The following PTPRK variants were observed in gnomAD, a reference collection of about 807,000 sequenced individuals.
The protein encoded by PTPRK is protein tyrosine phosphatase receptor type K.
Under a neutral mutation model 178.0 loss-of-function variants are expected in PTPRK, and 75 were observed. That is an observed-to-expected ratio of 0.42 (90% CI 0.35 to 0.51). The LOEUF (loss-of-function observed/expected upper bound fraction) is 0.51, where lower values mean the gene tolerates loss of function less well. PTPRK is among the 20% of genes least tolerant of loss of function. The pLI is 0.02. For synonymous variants in PTPRK, 637 were observed against 620.6 expected, an observed-to-expected ratio of 1.03 and a Z score of -0.39; for missense variants, 1,441 against 1,797.8, an observed-to-expected ratio of 0.80 and a Z score of 3.59.
chr6:128,177,202 T>A lies in PTPRK; in HGVS notation c.1162+7230A>T, dbSNP rs147200527. ...CCTTAGAGTTTGATGCCTAGATCTA[T>A]ATCTTTAAAATTCTATCTAGGTCAT... On this transcript the variant is annotated intron_variant, in intron 7 of 29. Transcript: ENST00000368226. 2.0e-3 allele frequency among the ~76,000 whole-genome samples: 298 copies of A among 151,906 alleles called. 2 individuals carry two copies. Among genetic ancestry groups the A allele is most frequent in the African/African-American group, 6.9e-3 (287 of 41,542 alleles).
At chr6:128,205,468 G>A (rs897978563) in intron 6 of PTPRK, among the ~76,000 whole-genome samples, 10 of 151,996 alleles carry the variant, frequency 6.6e-5, no homozygotes, top group African/African-American at 2.2e-4. Flanking sequence ...TTCAAGAAAA[G>A]GCCAGGCGTG....
At chr6:128,320,961 T>C (rs186511292) in intron 3 of PTPRK, 23 of 152,210 alleles carry the variant, frequency 1.5e-4, no homozygotes, top group Admixed American at 9.8e-4. Context: ...CATACAACCT[T>C]GAACTGAAAA....
At chr6:128,443,850 AT>A (rs201509494) in intron 1 of PTPRK, among the ~76,000 whole-genome samples, 7 of 151,488 alleles carry the variant, frequency 4.6e-5, no homozygotes, top group East Asian at 3.9e-4. Context: ...CCTAGACCAG[AT>A]TTTTTTTTCT....
At chr6:128,183,802 AT>A (rs57607335) in intron 7 of PTPRK, among the ~76,000 whole-genome samples, 145,413 of 152,100 alleles carry the variant, frequency 0.96, 69,556 homozygotes, top group East Asian at 1. Context: ...TTTAATTTTC[AT>A]TTTTTTTGTG....
intron 11 of PTPRK, among the ~76,000 whole-genome samples, chr6:128,068,765 A>G (rs974560771): frequency 6.6e-6 from 1 of 151,226 alleles, no homozygotes; most frequent in African/African-American, 2.4e-5. Context: ...AATATATTTT[A>G]AAATGTTTTA....
intron 1 of PTPRK, among the ~76,000 whole-genome samples, chr6:128,456,048 C>A (rs1333744668): frequency 6.6e-6 from 1 of 152,046 alleles, no homozygotes; most frequent in African/African-American, 2.4e-5. Flanking sequence ...AAGTCAGTCT[C>A]TTTTCAGCTT....
At chr6:128,378,174 A>G (rs2128353977) in intron 2 of PTPRK, among the ~76,000 whole-genome samples, 1 of 152,272 alleles carries the variant, frequency 6.6e-6, no homozygotes, top group African/African-American at 2.4e-5. Context: ...TTTATGAACT[A>G]GAAAACAAAT....
At chr6:128,490,971 T>C (rs1477845942) in intron 1 of PTPRK, among the ~76,000 whole-genome samples, 1 of 152,228 alleles carries the variant, frequency 6.6e-6, no homozygotes, top group Non-Finnish European at 1.5e-5. Flanking sequence ...TTAACCTTAA[T>C]GACCTCTTTA....
intron 3 of PTPRK, among the ~76,000 whole-genome samples, chr6:128,260,523 G>A (rs879372724): frequency 2.6e-5 from 4 of 152,186 alleles, no homozygotes; most frequent in African/African-American, 9.6e-5. Context: ...TAGGAAGAGA[G>A]GCCAGCCATC....
rs550556299 is a variant in PTPRK, at chr6:127,985,260, TA to T, written c.3251+460del. Among the ~76,000 whole-genome samples the T allele has an allele frequency of 7.8e-4, 119 of 152,226 alleles. 2 individuals carry two copies. The highest frequency in any genetic ancestry group is 2.8e-3 in the African/African-American group (115 of 41,546). On this transcript the variant is annotated intron_variant, in intron 22 of 29. Coordinates refer to ENST00000368226, the MANE Select transcript of PTPRK (RefSeq NM_002844.4). ...TCAAGGTCCTCTAATGTGAATTCTT[TA>T]AAAAAAATTTTTAAATAGCTGTTTT...
intron 6 of PTPRK, among the ~76,000 whole-genome samples, chr6:128,202,817 C>T (rs781417895): frequency 1.3e-5 from 2 of 152,086 alleles, no homozygotes; most frequent in Non-Finnish European, 2.9e-5. Context: ...CTGAATTCTA[C>T]CAGAGGTACA....
intron 3 of PTPRK, chr6:128,321,723 C>T: frequency 1.5e-6 from 1 of 680,800 alleles, no homozygotes; most frequent in Admixed American, 2.3e-5. Flanking sequence ...CAATAAGTAG[C>T]TCTTTGTCAA....
At chr6:128,418,619 T>C (rs914011927) in intron 1 of PTPRK, among the ~76,000 whole-genome samples, 5 of 152,138 alleles carry the variant, frequency 3.3e-5, no homozygotes, top group Non-Finnish European at 7.3e-5. Flanking sequence ...GGAAAAATTG[T>C]CTTCCATGAA....
chr6:128,280,436 A>G (rs1339670987), intron 3 of PTPRK, among the ~76,000 whole-genome samples: 1 of 152,186 alleles, frequency 6.6e-6, no homozygotes, highest in Admixed American at 6.6e-5. Context: ...CTATCAGGAA[A>G]GTTTATCAAA....
At chr6:128,114,003 T>G (rs993037628) in intron 7 of PTPRK, among the ~76,000 whole-genome samples, 1 of 152,106 alleles carries the variant, frequency 6.6e-6, no homozygotes, top group Non-Finnish European at 1.5e-5. Flanking sequence ...AAGCCTTGAT[T>G]GATAATAAGG....
At chr6:128,387,219 T>C (rs1838868154) in intron 2 of PTPRK, among the ~76,000 whole-genome samples, 1 of 152,328 alleles carries the variant, frequency 6.6e-6, no homozygotes, top group East Asian at 1.9e-4. Context: ...AGAATGACTG[T>C]ATATCCTTCA....
chr6:128,288,475 G>A (rs1191844919), intron 3 of PTPRK, among the ~76,000 whole-genome samples: 1 of 152,066 alleles, frequency 6.6e-6, no homozygotes. Flanking sequence ...GTGTGCTGAA[G>A]AATCCTAGAA....
chr6:128,240,396 C>T (rs917010235), intron 4 of PTPRK, among the ~76,000 whole-genome samples: 22 of 152,094 alleles, frequency 1.4e-4, no homozygotes, highest in Admixed American at 6.5e-5. Flanking sequence ...TTGTTCTCTA[C>T]AGAGTGAGCA....
At chr6:128,446,025 A>G (rs1489586479) in intron 1 of PTPRK, among the ~76,000 whole-genome samples, 1 of 152,180 alleles carries the variant, frequency 6.6e-6, no homozygotes, top group Non-Finnish European at 1.5e-5. Context: ...TGTTAACTGC[A>G]GAATCAGATC....
Sources: gnomAD v4.1 joint callset for allele counts (sites outside exome capture counted in the v4.1 genomes callset) on GRCh38, gnomAD v4.1.1 for gene constraint, MANE v1.5 for transcripts, NCBI Gene and HGNC (gene_info 2026-07-23, HGNC 2026-07-21) for gene names.